Variants in FRMD4A observed in about 807,000 individuals in gnomAD.
The protein encoded by FRMD4A is FERM domain containing 4A.
A neutral mutation model predicts 129.1 loss-of-function variants in FRMD4A; 29 were observed. The ratio of observed to expected loss-of-function variants is 0.22; its 90% CI spans 0.17 to 0.31. FRMD4A has a LOEUF of 0.31. Ranked by LOEUF, FRMD4A falls within the 10% of genes least tolerant of loss-of-function variation. The probability of loss-of-function intolerance (pLI) is 1.00; values close to 1 mark genes in which losing one functional copy is unlikely to be tolerated. For missense variants in FRMD4A, 1,272 were observed against 1,375.8 expected, an observed-to-expected ratio of 0.92 and a Z score of 1.19; for synonymous variants, 634 against 571.6, an observed-to-expected ratio of 1.11 and a Z score of -1.56.
chr10:14,294,163 C>T (rs1370074002), intron 2 of FRMD4A, among the ~76,000 whole-genome samples: 1 of 152,176 alleles, frequency 6.6e-6, no homozygotes, highest in African/African-American at 2.4e-5. Context: ...CCTAACCATA[C>T]TGGTAGTTAT....
intron 14 of FRMD4A, among the ~76,000 whole-genome samples, chr10:13,700,367 C>T (rs180904879): frequency 5.9e-5 from 9 of 152,238 alleles, no homozygotes; most frequent in Admixed American, 5.2e-4. Flanking sequence ...AGAAAGAACC[C>T]TAGAGGGCAC....
At chr10:13,674,600 T>A (rs1377854653) in intron 16 of FRMD4A, among the ~76,000 whole-genome samples, 2 of 152,220 alleles carry the variant, frequency 1.3e-5, no homozygotes, top group Non-Finnish European at 2.9e-5. Flanking sequence ...TTTAAAAAAA[T>A]TCGCTAATAT....
chr10:14,151,435 G>A (rs138769556), intron 2 of FRMD4A, among the ~76,000 whole-genome samples: 1 of 152,232 alleles, frequency 6.6e-6, no homozygotes, highest in East Asian at 1.9e-4. Context: ...ACTTTTAAGT[G>A]GGAGCTAAAT....
intron 2 of FRMD4A, among the ~76,000 whole-genome samples, chr10:14,125,629 C>G (rs1280864976): frequency 6.6e-6 from 1 of 152,122 alleles, no homozygotes; most frequent in African/African-American, 2.4e-5. Context: ...ATGCTGGAGC[C>G]CAGCTAAATC....
intron 2 of FRMD4A, chr10:14,326,698 A>G: frequency 2.5e-6 from 1 of 397,036 alleles, no homozygotes; most frequent in Middle Eastern, 6.3e-4. Context: ...GGCTCTAAAG[A>G]TAAACTAATC....
At chr10:14,184,818 T>G (rs761911762) in intron 2 of FRMD4A, among the ~76,000 whole-genome samples, 29 of 152,208 alleles carry the variant, frequency 1.9e-4, no homozygotes, top group Non-Finnish European at 4.0e-4. Context: ...TATTTATTTT[T>G]TATTTTTTAA....
At chr10:14,103,853 T>C (rs892628950) in intron 2 of FRMD4A, among the ~76,000 whole-genome samples, 2 of 152,194 alleles carry the variant, frequency 1.3e-5, no homozygotes, top group Non-Finnish European at 2.9e-5. Flanking sequence ...TGAGTAGAAT[T>C]TTTTAAACTC....
At position 13,670,288 on chromosome 10, in the gene FRMD4A, C is replaced by T. The variant is rs1053268155; in HGVS notation, c.1374+118G>A. 1.8e-5 allele frequency: 19 copies of T among 1,040,050 alleles called. No individual in the cohort carries two copies. In the East Asian group the frequency reaches 3.2e-4, roughly 17 times the overall value. The allele number at this position is 1,040,050 out of a possible 1,614,324, so 64.4% of individuals were successfully genotyped here. A position where few individuals can be genotyped will look rare whatever the true frequency, so the allele number is the denominator to read the frequency against. ...CAGCTCACTCAAGAAAAGGTATGAG[C>T]GAAAATACTGGCATTAGGCAGAAAT... On this transcript the variant is annotated intron_variant, in intron 17 of 24. Transcript: ENST00000357447.
At chr10:14,318,171 T>C (rs1053906834) in intron 2 of FRMD4A, among the ~76,000 whole-genome samples, 2 of 152,200 alleles carry the variant, frequency 1.3e-5, no homozygotes, top group Non-Finnish European at 2.9e-5. Context: ...ACTAGGTTAA[T>C]GACCAAAGAC....
chr10:13,706,749 GACACAC>G lies in FRMD4A; in HGVS notation c.836+282_836+287del, dbSNP rs3031967. Among the ~76,000 whole-genome samples the G allele has an allele frequency of 8.9e-4, 131 of 146,626 alleles. 2 individuals carry two copies. Among genetic ancestry groups the G allele is most frequent in the African/African-American group, 9.6e-4 (38 of 39,626 alleles). Reference sequence around the variant, plus strand: ...GGCAGGTAAGACAAACACATACACTGACACACACACACACACACACACACACACACG... The same window carrying G: ...GGCAGGTAAGACAAACACATACACTGACACACACACACACACACACACACG... On this transcript the variant is annotated intron_variant, in intron 13 of 24. Transcript: ENST00000357447.
chr10:14,265,603 G>A (rs1247905725), intron 2 of FRMD4A, among the ~76,000 whole-genome samples: 2 of 152,182 alleles, frequency 1.3e-5, no homozygotes, highest in Non-Finnish European at 2.9e-5. Flanking sequence ...GGGTAGAAAA[G>A]CAAAACTGAC....
chr10:13,836,751 G>T (rs558676531), intron 3 of FRMD4A, among the ~76,000 whole-genome samples: 135 of 134,522 alleles, frequency 1.0e-3, no homozygotes, highest in African/African-American at 3.8e-3. Context: ...GTTCCTCAGT[G>T]GTTCTTTTTT....
chr10:14,088,234 T>G (rs1463918335), intron 2 of FRMD4A, among the ~76,000 whole-genome samples: 1 of 151,774 alleles, frequency 6.6e-6, no homozygotes, highest in Non-Finnish European at 1.5e-5. Context: ...AACGCTTGAT[T>G]CCAGGGATCT....
intron 2 of FRMD4A, among the ~76,000 whole-genome samples, chr10:14,159,813 A>G (rs535276300): frequency 7.4e-4 from 112 of 152,304 alleles, no homozygotes; most frequent in African/African-American, 2.6e-3. Flanking sequence ...ACTTTGGAAG[A>G]CCAAGGTAGG....
chr10:13,792,659 C>T (rs2093029327), intron 5 of FRMD4A, among the ~76,000 whole-genome samples: 1 of 152,176 alleles, frequency 6.6e-6, no homozygotes, highest in Non-Finnish European at 1.5e-5. Flanking sequence ...TGGACAGGTG[C>T]TGAATAATGG....
intron 2 of FRMD4A, among the ~76,000 whole-genome samples, chr10:13,862,133 G>A (rs375743855): frequency 2.6e-5 from 4 of 152,084 alleles, no homozygotes; most frequent in South Asian, 2.1e-4. Context: ...GAAAAGTCTC[G>A]ACAGAGAATA....
intron 2 of FRMD4A, among the ~76,000 whole-genome samples, chr10:13,958,032 T>G (rs779515526): frequency 6.0e-4 from 91 of 152,148 alleles, no homozygotes; most frequent in Non-Finnish European, 1.8e-4. Flanking sequence ...TGCTTCTTCC[T>G]CTGAAATCCA....
intron 2 of FRMD4A, among the ~76,000 whole-genome samples, chr10:14,199,797 AAG>A (rs1842581457): frequency 7.2e-6 from 1 of 138,986 alleles, no homozygotes; most frequent in South Asian, 2.2e-4. Context: ...ATGTGAATAA[AAG>A]ACATTAATTT....
chr10:14,019,687 A>C (rs192323302), intron 2 of FRMD4A, among the ~76,000 whole-genome samples: 125 of 152,340 alleles, frequency 8.2e-4, no homozygotes, highest in African/African-American at 2.8e-3. Flanking sequence ...AGAAGGATCA[A>C]TATAAACAGG....
Sources: gnomAD v4.1 joint callset for allele counts (sites outside exome capture counted in the v4.1 genomes callset) on GRCh38, gnomAD v4.1.1 for gene constraint, MANE v1.5 for transcripts, NCBI Gene and HGNC (gene_info 2026-07-23, HGNC 2026-07-21) for gene names.